The following LPAR3 variants were observed in gnomAD, a reference collection of about 807,000 sequenced individuals.
The protein encoded by LPAR3 is LPA receptor 3.
Under a neutral mutation model 17.8 loss-of-function variants are expected in LPAR3, and 7 were observed. The observed-to-expected ratio is 0.39, with a 90% confidence interval of 0.22 to 0.74. The LOEUF is 0.74. LPAR3 is among the 30% of genes least tolerant of loss of function. The pLI, the probability that LPAR3 is intolerant of heterozygous loss-of-function variation, is 0.40. For missense variants in LPAR3, 391 were observed against 453.4 expected (o/e 0.86, Z 1.25); for synonymous variants, 179 against 179.9 (o/e 0.99, Z 0.04).
intron 2 of LPAR3, among the ~76,000 whole-genome samples, chr1:84,829,079 T>G (rs1659229025): frequency 6.7e-6 from 1 of 149,404 alleles, no homozygotes; most frequent in African/African-American, 2.5e-5. Context: ...TTGTGCCATG[T>G]AAATTAATAC....
intron 2 of LPAR3, among the ~76,000 whole-genome samples, chr1:84,817,239 GATAA>G (rs1314259936): frequency 3.9e-5 from 3 of 76,532 alleles, no homozygotes; most frequent in African/African-American, 1.1e-4. Context: ...GCAACTAAGT[GATAA>G]ATATTTTCCA....
At position 84,813,799 on chromosome 1, in the gene LPAR3, G is replaced by T; in HGVS notation, c.*47C>A. ...TAGAGACAGGTAATCATTCTTAACA[G>T]CTCTTTTCCCAGAGGAGGCCTGGGT... On this transcript the variant is annotated 3_prime_UTR_variant, in exon 3 of 3. Transcript: ENST00000370611. The T allele has an allele frequency of 1.4e-6, 2 of 1,440,622 alleles. No individual in the cohort carries two copies. Among genetic ancestry groups the T allele is most frequent in the Non-Finnish European group, 1.9e-6 (2 of 1,036,314 alleles). 89.2% of individuals were successfully genotyped at this position (1,440,622 alleles called of 1,614,324 possible). A position where few individuals can be genotyped will look rare whatever the true frequency, so the allele number is the denominator to read the frequency against.
chr1:84,862,450 A>C (rs1659958580), intron 2 of LPAR3, among the ~76,000 whole-genome samples: 1 of 152,254 alleles, frequency 6.6e-6, no homozygotes, highest in Non-Finnish European at 1.5e-5. Context: ...GACTGGACAC[A>C]CTGCTTAAAC....
At chr1:84,867,739 A>G (rs1271239725) in intron 1 of LPAR3, among the ~76,000 whole-genome samples, 1 of 152,202 alleles carries the variant, frequency 6.6e-6, no homozygotes, top group Non-Finnish European at 1.5e-5. Flanking sequence ...GACAAAATAA[A>G]AATTACTCTC....
chr1:84,856,956 T>C (rs556770031), intron 2 of LPAR3, among the ~76,000 whole-genome samples: 1 of 152,338 alleles, frequency 6.6e-6, no homozygotes, highest in South Asian at 2.1e-4. Context: ...GGGTGGTTTA[T>C]AGGGACTAGC....
chr1:84,864,681 G>A (rs1660005436), intron 2 of LPAR3, among the ~76,000 whole-genome samples: 1 of 152,094 alleles, frequency 6.6e-6, no homozygotes, highest in South Asian at 2.1e-4. Flanking sequence ...AACTTGGGAC[G>A]CTGAGGCAGG....
At chr1:84,845,545 T>C (rs1037086870) in intron 2 of LPAR3, among the ~76,000 whole-genome samples, 1 of 152,194 alleles carries the variant, frequency 6.6e-6, no homozygotes. Flanking sequence ...GGAGCAGTAA[T>C]AAGCACCTTT....
intron 1 of LPAR3, among the ~76,000 whole-genome samples, chr1:84,874,471 A>G (rs1660218090): frequency 6.6e-6 from 1 of 152,210 alleles, no homozygotes; most frequent in African/African-American, 2.4e-5. Flanking sequence ...AACAACTAGA[A>G]TCAAAGATAT....
At chr1:84,885,756 G>C (rs1316764468) in intron 1 of LPAR3, among the ~76,000 whole-genome samples, 1 of 152,202 alleles carries the variant, frequency 6.6e-6, no homozygotes, top group Non-Finnish European at 1.5e-5. Flanking sequence ...GGCAAAGGTG[G>C]TGGACACAGA....
intron 1 of LPAR3, among the ~76,000 whole-genome samples, chr1:84,892,081 T>C (rs11161477): frequency 0.31 from 47,239 of 151,266 alleles, 7,704 homozygotes; most frequent in East Asian, 0.45. Context: ...AGCGTGGTGG[T>C]GGGCGCCTGC....
intron 2 of LPAR3, among the ~76,000 whole-genome samples, chr1:84,832,421 A>G (rs1659302828): frequency 6.6e-6 from 1 of 152,230 alleles, no homozygotes. Flanking sequence ...AATAACTGTC[A>G]TAGGCAATAA....
At chr1:84,841,788 T>G (rs368748126) in intron 2 of LPAR3, among the ~76,000 whole-genome samples, 10 of 152,302 alleles carry the variant, frequency 6.6e-5, no homozygotes, top group Admixed American at 4.6e-4. Context: ...TCAAAGCACC[T>G]GAGGCAGAGT....
chr1:84,853,329 G>C (rs964300029), intron 2 of LPAR3, among the ~76,000 whole-genome samples: 9 of 152,142 alleles, frequency 5.9e-5, no homozygotes, highest in African/African-American at 2.2e-4. Context: ...GACCTGTGCA[G>C]GTGGACTCAG....
At chr1:84,881,488 T>C (rs1271524182) in intron 1 of LPAR3, among the ~76,000 whole-genome samples, 1 of 152,200 alleles carries the variant, frequency 6.6e-6, no homozygotes, top group Non-Finnish European at 1.5e-5. Context: ...CCAAGAAGGT[T>C]AGATAACTCA....
chr1:84,837,923 T>C (rs566819832), intron 2 of LPAR3, among the ~76,000 whole-genome samples: 1 of 152,176 alleles, frequency 6.6e-6, no homozygotes, highest in Non-Finnish European at 1.5e-5. Context: ...CCTTAGATTA[T>C]ACATAATTCA....
chr1:84,849,438 G>A (rs1432016069), intron 2 of LPAR3, among the ~76,000 whole-genome samples: 1 of 151,252 alleles, frequency 6.6e-6, no homozygotes, highest in African/African-American at 2.4e-5. Context: ...CCTATTTATA[G>A]GATTCTGAGG....
chr1:84,833,916 G>A (rs1469533039), intron 2 of LPAR3, among the ~76,000 whole-genome samples: 2 of 152,110 alleles, frequency 1.3e-5, no homozygotes, highest in African/African-American at 4.8e-5. Context: ...GGGAAGAGCT[G>A]GAAAAAATGC....
chr1:84,832,860 T>C (rs1161655287), intron 2 of LPAR3, among the ~76,000 whole-genome samples: 4 of 152,224 alleles, frequency 2.6e-5, no homozygotes, highest in African/African-American at 9.6e-5. Context: ...ACATCAGATA[T>C]ATTGAAACCA....
intron 2 of LPAR3, among the ~76,000 whole-genome samples, chr1:84,851,574 A>G (rs906740489): frequency 2.6e-5 from 4 of 152,282 alleles, no homozygotes; most frequent in Admixed American, 1.3e-4. Context: ...ATAGTATACT[A>G]CAGAAGCACT....
Sources: allele counts gnomAD v4.1 joint callset (sites outside exome capture counted in the v4.1 genomes callset), GRCh38; gene constraint gnomAD v4.1.1; transcripts MANE v1.5; gene names NCBI Gene and HGNC (gene_info 2026-07-23, HGNC 2026-07-21).